Variants in LPP observed in about 807,000 individuals in gnomAD.
LPP encodes the protein LIM domain containing preferred translocation partner in lipoma.
Under a neutral mutation model 60.4 loss-of-function variants are expected in LPP, and 38 were observed. The ratio of observed to expected loss-of-function variants is 0.63; its 90% confidence interval spans 0.49 to 0.83. LPP has a LOEUF of 0.83. LPP is among the 40% of genes least tolerant of loss of function. The pLI is 0.00. For synonymous variants in LPP, 328 were observed against 290.8 expected (o/e 1.13, Z -1.30); for missense variants, 902 against 783.6 (o/e 1.15, Z -1.80).
intron 8 of LPP, 43 bp from the exon 9 acceptor site, chr3:188,760,070 A>G: frequency 6.3e-7 from 1 of 1,599,740 alleles, no homozygotes; most frequent in Non-Finnish European, 8.6e-7. Flanking sequence ...AGCAGGACTG[A>G]AGTACTCCTT....
At chr3:188,849,184 G>T (rs1040624218) in intron 9 of LPP, among the ~76,000 whole-genome samples, 4 of 152,144 alleles carry the variant, frequency 2.6e-5, no homozygotes, top group Admixed American at 2.6e-4. Context: ...CCATTCCAGT[G>T]CACTGAGGAC....
At chr3:188,679,250 A>G (rs1440083591) in intron 7 of LPP, among the ~76,000 whole-genome samples, 3 of 152,240 alleles carry the variant, frequency 2.0e-5, no homozygotes, top group African/African-American at 7.2e-5. Flanking sequence ...AGCCTTCCTC[A>G]TGAAGTGATT....
rs372076133 is a variant in LPP at position 188,217,981 on chromosome 3, G to A, written c.-189-7424G>A. 3.9e-5 allele frequency among the ~76,000 whole-genome samples: 6 copies of A among 152,242 alleles called. No individual in the cohort carries two copies. In the East Asian group the frequency reaches 5.8e-4, roughly 15 times the overall value. ...TTCTTTCCCACCAAGAATGAGGAAC[G>A]TTCAGAGTGATGCTGACTTTATGGG... On this transcript the variant is annotated intron_variant, in intron 1 of 11. Coordinates refer to ENST00000617246, the MANE Select transcript of LPP (RefSeq NM_001375462.1). The surrounding 1 kb of genome is among the most constrained non-coding windows in gnomAD (Gnocchi z 4.0).
intron 6 of LPP, among the ~76,000 whole-genome samples, chr3:188,536,766 A>G (rs1823751536): frequency 1.3e-5 from 2 of 152,250 alleles, no homozygotes. Flanking sequence ...TAAAGCTTGA[A>G]GCCTGTATAG....
At chr3:188,711,185 A>G (rs994217756) in intron 8 of LPP, 1 of 152,218 alleles carries the variant, frequency 6.6e-6, no homozygotes, top group Non-Finnish European at 1.5e-5. Flanking sequence ...CTGGTAAGTA[A>G]TCATTGCCAA....
rs6772324 is a variant in LPP, at chr3:188,423,862, C to T, written c.193+17549C>T. On this transcript the variant is annotated intron_variant, in intron 4 of 11. Coordinates refer to ENST00000617246, the MANE Select transcript of LPP (RefSeq NM_001375462.1). ...TAGAATCTGGATATTAGCCCTTTGTCAGATGGATAGATTGCACGCTTTTTT... is the reference window on the plus strand; with the variant it reads ...TAGAATCTGGATATTAGCCCTTTGTTAGATGGATAGATTGCACGCTTTTTT... 9.9e-3 allele frequency among the ~76,000 whole-genome samples: 1,498 copies of T among 151,072 alleles called. 26 individuals carry two copies. The highest frequency in any genetic ancestry group is 0.035 in the African/African-American group (1,445 of 41,404).
At chr3:188,384,789 CAAAAAAAAAAAAAAAAAAA>C (rs561284077) in intron 3 of LPP, among the ~76,000 whole-genome samples, 1 of 51,452 alleles carries the variant, frequency 1.9e-5, no homozygotes, top group African/African-American at 7.9e-5. Context: ...GACTCTGTCT[CAAAAAAAAAAAAAAAAAAA>C]AAAAAAAAAA....
intron 7 of LPP, among the ~76,000 whole-genome samples, chr3:188,671,585 T>TC (rs1856972579): frequency 6.6e-6 from 1 of 152,230 alleles, no homozygotes; most frequent in Non-Finnish European, 1.5e-5. Context: ...ATGTTAAGAA[T>TC]CTGCTCCATG....
chr3:188,453,824 A>T (rs1797141404), intron 4 of LPP, among the ~76,000 whole-genome samples: 1 of 152,092 alleles, frequency 6.6e-6, no homozygotes, highest in Non-Finnish European at 1.5e-5. Flanking sequence ...AGCATTCTAC[A>T]GATAAGGAGA....
chr3:188,524,580 G>C, intron 5 of LPP, 85 bp from the exon 6 acceptor site: 1 of 1,414,548 alleles, frequency 7.1e-7, no homozygotes, highest in African/African-American at 1.5e-5. Flanking sequence ...CTTGGACAAA[G>C]CCACATTATA....
At chr3:188,589,546 T>C (rs1838214813) in intron 6 of LPP, among the ~76,000 whole-genome samples, 1 of 152,346 alleles carries the variant, frequency 6.6e-6, no homozygotes, top group African/African-American at 2.4e-5. Flanking sequence ...GCCCAATAGA[T>C]GTATTTTGAA....
chr3:188,157,279 A>G (rs1426366020), intron 1 of LPP, among the ~76,000 whole-genome samples: 4 of 151,908 alleles, frequency 2.6e-5, no homozygotes, highest in African/African-American at 7.3e-5. Context: ...ACCCTTGCCC[A>G]AGGTCATATA....
intron 9 of LPP, among the ~76,000 whole-genome samples, chr3:188,847,042 A>G (rs1257416639): frequency 1.3e-5 from 2 of 152,218 alleles, no homozygotes; most frequent in African/African-American, 4.8e-5. Context: ...AACTAGTTGC[A>G]AACATTTAAA....
chr3:188,821,148 A>G (rs1753852121), intron 9 of LPP, among the ~76,000 whole-genome samples: 1 of 151,302 alleles, frequency 6.6e-6, no homozygotes, highest in South Asian at 2.1e-4. Flanking sequence ...AGTTGGAAAA[A>G]TCCTAATGAA....
In LPP at chr3:188,531,425, A is replaced by T. The variant is rs1418147438; in HGVS notation, c.429+6638A>T. 2.0e-5 allele frequency among the ~76,000 whole-genome samples: 3 copies of T among 151,636 alleles called. No homozygotes were observed. The South Asian group carries it at 6.3e-4, about 32-fold the overall frequency. On this transcript the variant is annotated intron_variant, in intron 6 of 11. Transcript: ENST00000617246. Reference sequence around the variant, plus strand: ...AGTGATGGAAATATCTATTGTTTTGATGAGGCAACTCTTGGTGGGCTCCTG... The same window carrying T: ...AGTGATGGAAATATCTATTGTTTTGTTGAGGCAACTCTTGGTGGGCTCCTG...
intron 9 of LPP, among the ~76,000 whole-genome samples, chr3:188,809,933 A>G (rs1186359025): frequency 6.6e-6 from 1 of 152,170 alleles, no homozygotes; most frequent in East Asian, 1.9e-4. Flanking sequence ...TTTATTAAAT[A>G]AGGAACCCTT....
intron 2 of LPP, among the ~76,000 whole-genome samples, chr3:188,314,294 ATTG>A (rs1754391047): frequency 6.6e-6 from 1 of 151,810 alleles, no homozygotes; most frequent in African/African-American, 2.4e-5. Flanking sequence ...TAGTGTTGTT[ATTG>A]TTGTTGTTTT....
intron 9 of LPP, among the ~76,000 whole-genome samples, chr3:188,781,995 A>G (rs942680630): frequency 1.3e-5 from 2 of 151,962 alleles, no homozygotes; most frequent in Non-Finnish European, 2.9e-5. Flanking sequence ...TCAAGATGAG[A>G]TTTGGGTGGG....
At position 188,446,390 on chromosome 3, in the gene LPP, T is replaced by C. The variant is rs1193153769; in HGVS notation, c.194-38202T>C. Among the ~76,000 whole-genome samples, 38 of 152,184 alleles carry C rather than the reference T, an allele frequency of 2.5e-4. 1 individual carries two copies. Among genetic ancestry groups the C allele is most frequent in the Admixed American group, 2.5e-3 (38 of 15,272 alleles). ...CCCTCAAGGTCAAAACATCATGAAA[T>C]TGACCATAGATTATCTCAGCCTTTT... On this transcript the variant is annotated intron_variant, in intron 4 of 11. Coordinates refer to ENST00000617246, the MANE Select transcript of LPP (RefSeq NM_001375462.1).
Sources: gnomAD v4.1 joint callset for allele counts (sites outside exome capture counted in the v4.1 genomes callset) on GRCh38, gnomAD v4.1.1 for gene constraint, Gnocchi (gnomAD v3.1) non-coding constraint, MANE v1.5 for transcripts, NCBI Gene and HGNC (gene_info 2026-07-23, HGNC 2026-07-21) for gene names.